RFX4: variants seen among roughly 807,000 people sequenced by gnomAD.
RFX4 encodes regulatory factor X4.
In RFX4, 10 loss-of-function variants were observed where a neutral mutation model predicts 95.0. The observed-to-expected ratio is 0.11, with a 90% CI of 0.06 to 0.18. RFX4 has a LOEUF of 0.18. Ranked by LOEUF, RFX4 falls within the 10% of genes least tolerant of loss-of-function variation. The pLI, the probability that RFX4 is intolerant of heterozygous loss-of-function variation, is 1.00. For synonymous variants in RFX4, 321 were observed against 340.7 expected, an observed-to-expected ratio of 0.94 and a Z score of 0.64; for missense variants, 640 against 922.0, an observed-to-expected ratio of 0.69 and a Z score of 3.96.
intron 1 of RFX4, among the ~76,000 whole-genome samples, chr12:106,596,137 A>G (rs7304278): frequency 0.72 from 109,486 of 152,072 alleles, 39,675 homozygotes; most frequent in East Asian, 0.96. Context: ...GTGCCCACCC[A>G]AATCTCATCT....
chr12:106,596,452 G>A (rs2137174498), intron 1 of RFX4, among the ~76,000 whole-genome samples: 1 of 152,266 alleles, frequency 6.6e-6, no homozygotes, highest in Admixed American at 6.5e-5. Context: ...TTTATCAGCA[G>A]CATGAAAACG....
At chr12:106,593,786 A>G (rs2137170603) in intron 1 of RFX4, among the ~76,000 whole-genome samples, 1 of 152,334 alleles carries the variant, frequency 6.6e-6, no homozygotes, top group South Asian at 2.1e-4. Context: ...CCATACATAG[A>G]ACATATTTAT....
intron 2 of RFX4, among the ~76,000 whole-genome samples, chr12:106,618,209 A>G (rs1235375054): frequency 6.6e-6 from 1 of 151,972 alleles, no homozygotes; most frequent in East Asian, 1.9e-4. Flanking sequence ...TATATAGATT[A>G]TATACATAGA....
At chr12:106,703,560 C>T (rs1043376423) in intron 8 of RFX4, among the ~76,000 whole-genome samples, 5 of 152,100 alleles carry the variant, frequency 3.3e-5, no homozygotes, top group African/African-American at 9.7e-5. Context: ...TATTTTGTAC[C>T]ACAAAGGTAT....
intron 15 of RFX4, among the ~76,000 whole-genome samples, chr12:106,735,058 A>AAG (rs576861867): frequency 1.3e-5 from 2 of 151,586 alleles, no homozygotes; most frequent in East Asian, 3.8e-4. Context: ...AAAAAAAAAA[A>AAG]AAGAAGAAGA....
intron 5 of RFX4, chr12:106,684,856 G>C (rs1445810824): frequency 6.3e-7 from 1 of 1,589,134 alleles, no homozygotes; most frequent in Non-Finnish European, 8.6e-7. Flanking sequence ...CTTCATCCCA[G>C]AAGGCATTCA....
At chr12:106,745,611 G>A (rs573633164) in intron 15 of RFX4, among the ~76,000 whole-genome samples, 1 of 152,312 alleles carries the variant, frequency 6.6e-6, no homozygotes, top group East Asian at 1.9e-4. Context: ...TATTTGCAAA[G>A]TCCCTGGGAT....
intron 5 of RFX4, 83 bp from the exon 6 acceptor site, chr12:106,686,801 G>C: frequency 1.5e-6 from 2 of 1,353,136 alleles, no homozygotes; most frequent in Non-Finnish European, 2.1e-6. Flanking sequence ...TCCCTACTCA[G>C]GAAACCTCAC....
In RFX4 at chr12:106,701,445, C is replaced by T. The variant is rs2041988133; in HGVS notation, c.833+4999C>T. On this transcript the variant is annotated intron_variant, in intron 8 of 17. Transcript: ENST00000392842. ...TCATTATTTTTGGAAAATACCCATT[C>T]ATTATCTTCTTCTCTGCTTTCTCTC... is the stretch of plus-strand genomic sequence containing the variant. Among the ~76,000 whole-genome samples the T allele has an allele frequency of 2.8e-5, 4 of 143,040 alleles. No individual in the cohort carries two copies. The South Asian group carries it at 6.5e-4, about 23-fold the overall frequency. The allele number at this position is 143,040 out of a possible 152,430, so 93.8% of individuals were successfully genotyped here. A position where few individuals can be genotyped will look rare whatever the true frequency, so the allele number is the denominator to read the frequency against.
At chr12:106,698,690 C>T (rs878985849) in intron 8 of RFX4, among the ~76,000 whole-genome samples, 2 of 151,244 alleles carry the variant, frequency 1.3e-5, no homozygotes, top group Non-Finnish European at 2.9e-5. Context: ...AAAAGTGTTC[C>T]CTCTCTTCTT....
intron 2 of RFX4, among the ~76,000 whole-genome samples, chr12:106,638,056 A>G (rs924288003): frequency 1.3e-5 from 2 of 151,224 alleles, no homozygotes; most frequent in East Asian, 3.9e-4. Context: ...TGCCCAGACT[A>G]GAGTGCAGTG....
chr12:106,735,233 A>C (rs183523132), intron 15 of RFX4, among the ~76,000 whole-genome samples: 2 of 152,268 alleles, frequency 1.3e-5, no homozygotes, highest in African/African-American at 4.8e-5. Flanking sequence ...TGAGCTGAGG[A>C]GTTCTCTGAT....
chr12:106,679,360 C>T (rs1269746325), intron 4 of RFX4, among the ~76,000 whole-genome samples: 1 of 151,962 alleles, frequency 6.6e-6, no homozygotes, highest in African/African-American at 2.4e-5. Flanking sequence ...TAGGCTGAGG[C>T]AGGAGAATCA....
intron 2 of RFX4, among the ~76,000 whole-genome samples, chr12:106,616,268 T>A (rs183317139): frequency 6.6e-6 from 1 of 152,342 alleles, no homozygotes; most frequent in East Asian, 1.9e-4. Context: ...ATCGGTTGAA[T>A]TTTGAATGTT....
chr12:106,635,017 C>A (rs140423350), intron 2 of RFX4, among the ~76,000 whole-genome samples: 3 of 152,156 alleles, frequency 2.0e-5, no homozygotes, highest in Non-Finnish European at 4.4e-5. Flanking sequence ...ATTTGTTGAA[C>A]AAATTAATAG....
rs1323013828 is a variant in RFX4, at chr12:106,654,299, A to T, written c.263A>T (p.Asp88Val). 1.2e-6 allele frequency: 2 copies of T among 1,614,030 alleles called. No individual in the cohort carries two copies. Among genetic ancestry groups the T allele is most frequent in the South Asian group, 1.1e-5 (1 of 91,074 alleles). The change falls in exon 4 of 18, where the codon GAT becomes GTT. Residue 88 changes from aspartate (D) to valine (V), a missense_variant. Coordinates refer to ENST00000392842, the MANE Select transcript of RFX4 (RefSeq NM_213594.3). ...PRSALYMHYLDFCEKNDTQPV... is the reference protein window; with the variant it reads ...PRSALYMHYLVFCEKNDTQPV... The stretch of plus-strand genomic sequence containing the variant: ...AGTGCCCTCTATATGCATTACCTGG[A>T]TTTCTGCGAGAAGAATGATACCCAA...
At chr12:106,733,157 C>A in intron 15 of RFX4, 72 bp downstream of exon 15, 1 of 1,487,874 alleles carries the variant, frequency 6.7e-7, no homozygotes, top group Non-Finnish European at 9.4e-7. Context: ...GCCTGGGCAA[C>A]ATAGTGAGAC....
At chr12:106,632,961 GTT>G (rs1385307287) in intron 2 of RFX4, among the ~76,000 whole-genome samples, 38 of 152,372 alleles carry the variant, frequency 2.5e-4, no homozygotes, top group Middle Eastern at 3.4e-3. Flanking sequence ...GACTACGTCT[GTT>G]TTTTCTTACC....
chr12:106,641,943 GTCTATA>G, intron 3 of RFX4, among the ~76,000 whole-genome samples: 1 of 132,774 alleles, frequency 7.5e-6, no homozygotes, highest in Non-Finnish European at 1.6e-5. Flanking sequence ...CTATATCTAT[GTCTATA>G]TCTATCTATA....
Sources: allele counts gnomAD v4.1 joint callset (sites outside exome capture counted in the v4.1 genomes callset), GRCh38; gene constraint gnomAD v4.1.1; transcripts MANE v1.5; gene names NCBI Gene and HGNC (gene_info 2026-07-23, HGNC 2026-07-21).